The following SNF8 variants were observed in gnomAD, a reference collection of about 807,000 sequenced individuals.
The protein encoded by SNF8 is SNF8 subunit of ESCRT-II, also known as vacuolar-sorting protein SNF8.
In SNF8, 19 loss-of-function variants were observed where a neutral mutation model predicts 36.8. The observed-to-expected ratio is 0.52, with a 90% confidence interval of 0.36 to 0.76. The LOEUF is 0.76. Among genes scored for constraint, SNF8 ranks in the 30% least tolerant of loss-of-function variants. SNF8 has a pLI of 0.00. For synonymous variants in SNF8, 127 were observed against 127.4 expected, an observed-to-expected ratio of 1.00 and a Z score of 0.02; for missense variants, 268 against 322.9, an observed-to-expected ratio of 0.83 and a Z score of 1.30.
At chr17:48,940,020 A>G (rs2143813795) in intron 3 of SNF8, among the ~76,000 whole-genome samples, 1 of 144,480 alleles carries the variant, frequency 6.9e-6, no homozygotes, top group East Asian at 2.1e-4. Context: ...GGTTGCAGTG[A>G]GCCAAGATGG....
intron 3 of SNF8, among the ~76,000 whole-genome samples, chr17:48,937,585 G>A (rs1013934063): frequency 2.0e-5 from 3 of 146,858 alleles, no homozygotes; most frequent in Admixed American, 6.9e-5. Flanking sequence ...AGCCAAGATC[G>A]CGCCACCATA....
At position 48,937,331 on chromosome 17, in the gene SNF8, C is replaced by G. The variant is rs553304211; in HGVS notation, c.245-207G>C. 40 of 675,056 alleles carry G rather than the reference C, an allele frequency of 5.9e-5. No homozygotes were observed. The East Asian group carries it at 6.9e-4, about 12-fold the overall frequency. 41.8% of individuals were successfully genotyped at this position (675,056 alleles called of 1,614,324 possible). ...CAGACGGCTCCAGAGGGCAGGCAAT[C>G]TAAAAGTCATTTCTGGCCGGGCGCA... On this transcript the variant is annotated intron_variant, in intron 3 of 7. Transcript: ENST00000502492.
intron 5 of SNF8, 118 bp downstream of exon 5, chr17:48,936,052 T>C: frequency 1.4e-6 from 1 of 703,288 alleles, no homozygotes; most frequent in Non-Finnish European, 2.4e-6. Context: ...TCCTGTATGA[T>C]ATGGAGATCA....
In SNF8 at chr17:48,929,773, A is replaced by C. The variant is rs2040829913; in HGVS notation, c.*702T>G. On this transcript the variant is annotated 3_prime_UTR_variant, in exon 8 of 8. Transcript: ENST00000502492. ...GAAGGCTGCCTACTTGGTGAAATTT[A>C]AGTGAGCTGTATGTAAAATGGCACA... 1 of 152,170 alleles carries C rather than the reference A, an allele frequency of 6.6e-6. No homozygotes were observed. The highest frequency in any genetic ancestry group is 1.5e-5 in the Non-Finnish European group (1 of 68,034). 9.4% of individuals were successfully genotyped at this position (152,170 alleles called of 1,614,324 possible).
intron 5 of SNF8, among the ~76,000 whole-genome samples, chr17:48,934,279 A>G (rs1476954385): frequency 6.6e-6 from 1 of 152,096 alleles, no homozygotes; most frequent in African/African-American, 2.4e-5. Context: ...TGAAATCTGC[A>G]ATGAGTATGG....
intron 3 of SNF8, among the ~76,000 whole-genome samples, chr17:48,938,922 A>C (rs1222781587): frequency 6.6e-6 from 1 of 152,022 alleles, no homozygotes; most frequent in Non-Finnish European, 1.5e-5. Flanking sequence ...CTGGCACACA[A>C]ATAAATATCG....
At chr17:48,932,966 C>A in intron 6 of SNF8, 1 of 423,716 alleles carries the variant, frequency 2.4e-6, no homozygotes, top group Non-Finnish European at 4.2e-6. Flanking sequence ...CCTGACTAGA[C>A]TGTAAGCTCC....
At position 48,942,861 on chromosome 17, in the gene SNF8, T is replaced by G. The variant is rs894161237; in HGVS notation, c.105+1064A>C. On this transcript the variant is annotated intron_variant, in intron 2 of 7. Coordinates refer to ENST00000502492, the MANE Select transcript of SNF8 (RefSeq NM_007241.4). ...CCGCACCCGGCCTTTTTTTTTTTTT[T>G]TTTTTTTTTTTTGCTTTTTTTTGAG... is the stretch of plus-strand genomic sequence containing the variant. Among the ~76,000 whole-genome samples, 212 of 53,990 alleles carry G rather than the reference T, an allele frequency of 3.9e-3. 5 individuals are homozygous for G. Among genetic ancestry groups the G allele is most frequent in the Middle Eastern group, 0.011 (1 of 92 alleles). The allele number at this position is 53,990 out of a possible 152,430, so 35.4% of individuals were successfully genotyped here.
intron 1 of SNF8, 127 bp from the exon 2 acceptor site, chr17:48,944,102 G>C: frequency 1.2e-6 from 1 of 809,480 alleles, no homozygotes; most frequent in East Asian, 2.8e-5. Context: ...AGGAGATCGA[G>C]CCATCCTGGC....
chr17:48,944,587 T>C (rs944873650), intron 1 of SNF8, 94 bp downstream of exon 1: 20 of 1,351,096 alleles, frequency 1.5e-5, no homozygotes, highest in Non-Finnish European at 1.9e-5. Context: ...TCAGATTCTG[T>C]TGGGAGGTGA....
chr17:48,935,581 T>G (rs1414496857), intron 5 of SNF8: 1 of 151,074 alleles, frequency 6.6e-6, no homozygotes, highest in East Asian at 1.9e-4. Context: ...CTGGGGAGAC[T>G]GTGGCACGAG....
intron 5 of SNF8, among the ~76,000 whole-genome samples, chr17:48,934,289 G>A (rs1277781705): frequency 6.6e-6 from 1 of 151,934 alleles, no homozygotes; most frequent in Non-Finnish European, 1.5e-5. Flanking sequence ...AATGAGTATG[G>A]CTAGTAATCT....
chr17:48,937,254 T>C (rs1287993766), intron 3 of SNF8, 130 bp from the exon 4 acceptor site: 2 of 773,700 alleles, frequency 2.6e-6, no homozygotes, highest in South Asian at 2.8e-5. Flanking sequence ...CTGCTCCATC[T>C]GCTACTCAGG....
At chr17:48,944,194 C>A in intron 1 of SNF8, 1 of 491,412 alleles carries the variant, frequency 2.0e-6, no homozygotes, top group Non-Finnish European at 3.7e-6. Flanking sequence ...CCCAGCTACT[C>A]AGGAGGCTGA....
intron 2 of SNF8, 71 bp from the exon 3 acceptor site, chr17:48,941,133 C>T: frequency 6.4e-7 from 1 of 1,564,456 alleles, no homozygotes; most frequent in Non-Finnish European, 8.7e-7. Context: ...AACAGGTCCC[C>T]AGCCCTGTGG....
chr17:48,943,240 C>T (rs1298894472), intron 2 of SNF8, among the ~76,000 whole-genome samples: 3 of 148,714 alleles, frequency 2.0e-5, no homozygotes, highest in East Asian at 2.1e-4. Context: ...GAGGCCGAGG[C>T]GGGTGGATCA....
At chr17:48,936,862 C>T in intron 4 of SNF8, 158 bp downstream of exon 4, 2 of 677,684 alleles carry the variant, frequency 3.0e-6, no homozygotes, top group Non-Finnish European at 5.3e-6. Flanking sequence ...TACCCTTGGC[C>T]ATGGAGACTT....
Position 48,930,176 on chromosome 17 carries a change from C to G in SNF8, c.*299G>C, listed in dbSNP as rs907693200. On this transcript the variant is annotated 3_prime_UTR_variant, in exon 8 of 8. Transcript: ENST00000502492. ...ATGTCTCACAGCTACAAAGACTAGA[C>G]AGGCCAGGAAACAACCCACATTCTA... The G allele has an allele frequency of 2.6e-5, 6 of 229,424 alleles. No individual in the cohort carries two copies. Among genetic ancestry groups the G allele is most frequent in the Non-Finnish European group, 5.1e-5 (6 of 117,374 alleles). 14.2% of individuals were successfully genotyped at this position (229,424 alleles called of 1,614,324 possible). A position where few individuals can be genotyped will look rare whatever the true frequency, so the allele number is the denominator to read the frequency against.
At chr17:48,930,677 A>G in intron 7 of SNF8, 65 bp from the exon 8 acceptor site, 1 of 1,525,760 alleles carries the variant, frequency 6.6e-7, no homozygotes, top group South Asian at 1.2e-5. Flanking sequence ...AGGGTAGGTA[A>G]GCAACCCCCA....
Sources: allele counts gnomAD v4.1 joint callset (sites outside exome capture counted in the v4.1 genomes callset), GRCh38; gene constraint gnomAD v4.1.1; transcripts MANE v1.5; gene names NCBI Gene and HGNC (gene_info 2026-07-23, HGNC 2026-07-21).